The following SORBS2 variants were observed in gnomAD, a reference collection of about 807,000 sequenced individuals.
The protein encoded by SORBS2 is sorbin and SH3 domain containing 2, also known as sorbin and SH3 domain-containing protein 2.
In SORBS2, 46 loss-of-function variants were observed where a neutral mutation model predicts 97.7. The observed-to-expected ratio is 0.47, with a 90% CI of 0.37 to 0.60. SORBS2 has a LOEUF of 0.60. Ranked by LOEUF, SORBS2 falls within the 20% of genes least tolerant of loss-of-function variation. The pLI is 0.00. For synonymous variants in SORBS2, 476 were observed against 473.4 expected (o/e 1.01, Z -0.07); for missense variants, 1,316 against 1,282.3 (o/e 1.03, Z -0.40).
intron 1 of SORBS2, among the ~76,000 whole-genome samples, chr4:185,901,361 G>A (rs7699927): frequency 0.031 from 4,653 of 152,024 alleles, 234 homozygotes; most frequent in African/African-American, 0.11. Context: ...TGCCACCACG[G>A]TCGGCTAATT....
chr4:185,600,904 T>C (rs1327932357), intron 12 of SORBS2, among the ~76,000 whole-genome samples: 1 of 148,368 alleles, frequency 6.7e-6, no homozygotes, highest in South Asian at 2.2e-4. Flanking sequence ...TGGACTGTTT[T>C]GGTGTTTTTT....
chr4:185,879,176 C>CCCTCA lies in SORBS2; in HGVS notation c.-338+77019_-338+77020insTGAGG, dbSNP rs1491475757. Among the ~76,000 whole-genome samples, 41 of 85,260 alleles carry CCCTCA rather than the reference C, an allele frequency of 4.8e-4. 1 individual carries two copies. The highest frequency in any genetic ancestry group is 0.012 in the Middle Eastern group (2 of 162). The allele number at this position is 85,260 out of a possible 152,430, so 55.9% of individuals were successfully genotyped here. A position where few individuals can be genotyped will look rare whatever the true frequency, so the allele number is the denominator to read the frequency against. On this transcript the variant is annotated intron_variant, in intron 1 of 20. Transcript: ENST00000284776. ...CCTAATGCTATCCCTCCCCCCCCCC[C>CCCTCA]ACCCCACGACAGGCCCCGGTGTGTG...
intron 1 of SORBS2, among the ~76,000 whole-genome samples, chr4:185,827,240 TCACCAC>T (rs1585258003): frequency 5.1e-5 from 5 of 98,338 alleles, no homozygotes; most frequent in Admixed American, 2.2e-4. Flanking sequence ...ATCATCACCA[TCACCAC>T]CATCATCATC....
At chr4:185,690,962 C>A (rs553726404) in intron 2 of SORBS2, among the ~76,000 whole-genome samples, 2 of 151,602 alleles carry the variant, frequency 1.3e-5, no homozygotes, top group South Asian at 4.2e-4. Context: ...TGTAGTGGTG[C>A]GATCTTGGCT....
intron 6 of SORBS2, among the ~76,000 whole-genome samples, chr4:185,626,006 G>A (rs186598205): frequency 2.0e-5 from 3 of 152,200 alleles, no homozygotes; most frequent in African/African-American, 7.2e-5. Context: ...AGAGGAGATT[G>A]TGGGGTCCCA....
exon 7 of SORBS2, chr4:185,624,173 T>G: frequency 1.2e-6 from 2 of 1,614,230 alleles, no homozygotes; most frequent in Non-Finnish European, 8.5e-7. Context: ...GCAGCTCTCC[T>G]TGGAGTCCTC....
intron 1 of SORBS2, among the ~76,000 whole-genome samples, chr4:185,908,870 T>C (rs1008652086): frequency 2.6e-5 from 4 of 151,862 alleles, no homozygotes; most frequent in Non-Finnish European, 4.4e-5. Flanking sequence ...TATAAAAATA[T>C]ATGAATATAT....
intron 8 of SORBS2, among the ~76,000 whole-genome samples, chr4:185,619,233 T>G (rs2096673842): frequency 6.6e-6 from 1 of 152,236 alleles, no homozygotes; most frequent in Non-Finnish European, 1.5e-5. Context: ...ATGTGACACG[T>G]GCCCATCCTC....
chr4:185,698,045 C>G (rs1470349881), intron 2 of SORBS2, among the ~76,000 whole-genome samples: 1 of 152,040 alleles, frequency 6.6e-6, no homozygotes, highest in Non-Finnish European at 1.5e-5. Context: ...TGAGATCAAC[C>G]AACTCATTTT....
intron 2 of SORBS2, among the ~76,000 whole-genome samples, chr4:185,686,618 A>G (rs1369654584): frequency 6.6e-6 from 1 of 152,266 alleles, no homozygotes; most frequent in Non-Finnish European, 1.5e-5. Flanking sequence ...TATTGCTTCC[A>G]GGAGCTGGAA....
chr4:185,919,237 T>C (rs2099259832), intron 1 of SORBS2: 1 of 152,168 alleles, frequency 6.6e-6, no homozygotes, highest in African/African-American at 2.4e-5. Flanking sequence ...TTGAAAAATA[T>C]CTCTAAGATA....
At chr4:185,709,874 T>TTA (rs10684343) in intron 2 of SORBS2, 79,217 of 149,136 alleles carry the variant, frequency 0.53, 21,755 homozygotes, top group South Asian at 0.6. Flanking sequence ...TTTTTTTTTT[T>TTA]AAGACTAGTC....
At chr4:185,885,226 G>A (rs990510925) in intron 1 of SORBS2, among the ~76,000 whole-genome samples, 13 of 152,322 alleles carry the variant, frequency 8.5e-5, no homozygotes, top group Admixed American at 7.2e-4. Context: ...GGATGGGAAA[G>A]TTAGCAAATC....
intron 1 of SORBS2, among the ~76,000 whole-genome samples, chr4:185,821,862 C>T (rs12504229): frequency 0.24 from 35,771 of 152,086 alleles, 5,346 homozygotes; most frequent in Non-Finnish European, 0.33. Context: ...TTTTATTAGT[C>T]GTCATTATTA....
intron 1 of SORBS2, among the ~76,000 whole-genome samples, chr4:185,838,412 T>G (rs563712805): frequency 1.2e-3 from 177 of 152,212 alleles, no homozygotes; most frequent in African/African-American, 4.1e-3. Flanking sequence ...CCTCCTCAAC[T>G]CACGGATGCG....
chr4:185,877,981 A>C (rs771619388), intron 1 of SORBS2, among the ~76,000 whole-genome samples: 1 of 152,242 alleles, frequency 6.6e-6, no homozygotes, highest in Non-Finnish European at 1.5e-5. Flanking sequence ...AAGGCATAAC[A>C]TTACAATATT....
At chr4:185,741,287 G>C (rs189890145) in intron 2 of SORBS2, among the ~76,000 whole-genome samples, 252 of 151,774 alleles carry the variant, frequency 1.7e-3, no homozygotes, top group African/African-American at 5.8e-3. Context: ...GAATAACAGA[G>C]GGACATGCAT....
intron 1 of SORBS2, among the ~76,000 whole-genome samples, chr4:185,891,056 A>G (rs751169242): frequency 4.3e-4 from 66 of 152,276 alleles, no homozygotes; most frequent in Admixed American, 7.8e-4. Context: ...TGCCTCTGAG[A>G]TTCCTTTCAG....
intron 1 of SORBS2, among the ~76,000 whole-genome samples, chr4:185,827,985 TCA>T (rs2099202835): frequency 2.5e-5 from 1 of 39,438 alleles, no homozygotes; most frequent in African/African-American, 8.1e-5. Context: ...ATCACCATCA[TCA>T]TCATCATCAC....
Sources: gnomAD v4.1 joint callset for allele counts (sites outside exome capture counted in the v4.1 genomes callset) on GRCh38, gnomAD v4.1.1 for gene constraint, MANE v1.5 for transcripts, NCBI Gene and HGNC (gene_info 2026-07-23, HGNC 2026-07-21) for gene names.